USP20: variants seen among roughly 807,000 people sequenced by gnomAD.
The protein encoded by USP20 is ubiquitin specific peptidase 20.
In USP20, 80 loss-of-function variants were observed where a neutral mutation model predicts 124.2. The ratio of observed to expected loss-of-function variants is 0.64; its 90% CI spans 0.54 to 0.78. The LOEUF (loss-of-function observed/expected upper bound fraction) is 0.78, where lower values mean the gene tolerates loss of function less well. USP20 is among the 30% of genes least tolerant of loss of function. The pLI is 0.00. For missense variants in USP20, 1,043 were observed against 1,244.4 expected (o/e 0.84, Z 2.44); for synonymous variants, 481 against 512.3 (o/e 0.94, Z 0.83).
chr9:129,854,175 G>T (rs1478878452), intron 3 of USP20, among the ~76,000 whole-genome samples: 1 of 152,226 alleles, frequency 6.6e-6, no homozygotes, highest in African/African-American at 2.4e-5. Flanking sequence ...GACAGTTATG[G>T]AGAAAATGGG....
chr9:129,876,004 G>A (rs2034387188), intron 21 of USP20, 126 bp from the exon 22 acceptor site: 1 of 848,906 alleles, frequency 1.2e-6, no homozygotes, highest in Non-Finnish European at 1.9e-6. Context: ...ACACAGAGGT[G>A]CATGCAGGCC....
chr9:129,880,437 C>A, intron 25 of USP20, 30 bp from the exon 26 acceptor site: 2 of 957,892 alleles, frequency 2.1e-6, no homozygotes, highest in Non-Finnish European at 3.0e-6. Context: ...CATGGCCCGG[C>A]CCCACTGCTG....
chr9:129,879,695 C>G lies in USP20; in HGVS notation c.2584+51C>G. On this transcript the variant is annotated intron_variant, in intron 24 of 25. Transcript: ENST00000372429. The surrounding 1 kb of genome is among the most constrained non-coding windows in gnomAD (Gnocchi z 4.2). ...GCTCCTCTCTGCCCTTCCTGGCTGC[C>G]AGGCTGCTGCCCAGTCCCGTCCTTC... 1 of 1,601,306 alleles carries G rather than the reference C, an allele frequency of 6.2e-7. No individual in the cohort carries two copies. The highest frequency in any genetic ancestry group is 8.6e-7 in the Non-Finnish European group (1 of 1,168,938).
At chr9:129,875,819 A>G (rs2034369453) in intron 21 of USP20, among the ~76,000 whole-genome samples, 178 bp downstream of exon 21, 1 of 37,322 alleles carries the variant, frequency 2.7e-5, no homozygotes, top group Admixed American at 3.0e-4. Flanking sequence ...CGTTTGTGGG[A>G]ATCCGCTTGG....
chr9:129,847,897 AT>A (rs35466615), intron 1 of USP20, among the ~76,000 whole-genome samples: 25,485 of 133,668 alleles, frequency 0.19, 2,697 homozygotes, highest in African/African-American at 0.37. Context: ...TTTGTATCTG[AT>A]TTTTTTTTTT....
intron 3 of USP20, among the ~76,000 whole-genome samples, chr9:129,854,059 C>T (rs527499397): frequency 7.2e-4 from 109 of 152,242 alleles, no homozygotes; most frequent in Non-Finnish European, 1.2e-3. Context: ...AAGAAACTTT[C>T]TGAAAAAGAT....
At chr9:129,864,757 G>A (rs1315139115) in intron 9 of USP20, among the ~76,000 whole-genome samples, 1 of 123,174 alleles carries the variant, frequency 8.1e-6, no homozygotes, top group Non-Finnish European at 1.6e-5. Context: ...CTGGGAAACA[G>A]AGCAAGACTC....
chr9:129,874,703 A>C lies in USP20; in HGVS notation c.1868A>C (p.Gln623Pro), dbSNP rs1458895898. 6.2e-7 allele frequency: 1 copy of C among 1,613,888 alleles called. No homozygotes were observed. Among genetic ancestry groups the C allele is most frequent in the Non-Finnish European group, 8.5e-7 (1 of 1,179,992 alleles). The change falls in exon 18 of 26, where the codon CAG (glutamine) becomes CCG (proline). Residue 623 changes from glutamine (Q) to proline (P), a missense_variant. Physicochemically the swap from Gln to Pro is moderately conservative, Grantham distance 76. Transcript: ENST00000372429. ...TTCCTTGCCAAGGAGTGCACATCCC[A>C]GATCACCACCTACGACCTCCTCTCG... is the stretch of plus-strand genomic sequence containing the variant. ...RPFLAKECTS[Q>P]ITTYDLLSVI...
chr9:129,879,981 C>T lies in USP20; in HGVS notation c.2585-132C>T, dbSNP rs1320071281. ...CTGGGAAATCCTGATTTCCATCTGA[C>T]AGCTTTGCATAGAAGCCCTGGTTGC... On this transcript the variant is annotated intron_variant, in intron 24 of 25. Transcript: ENST00000372429. The surrounding 1 kb of genome is among the most constrained non-coding windows in gnomAD (Gnocchi z 4.2). 8 of 1,100,598 alleles carry T rather than the reference C, an allele frequency of 7.3e-6. No individual in the cohort carries two copies. The highest frequency in any genetic ancestry group is 1.0e-5 in the Non-Finnish European group (8 of 778,706). 68.2% of individuals were successfully genotyped at this position (1,100,598 alleles called of 1,614,324 possible).
chr9:129,853,797 G>T (rs1173763240), intron 3 of USP20, among the ~76,000 whole-genome samples: 1 of 152,198 alleles, frequency 6.6e-6, no homozygotes, highest in Non-Finnish European at 1.5e-5. Context: ...GGGGGATGAA[G>T]CAGGTGGCAG....
chr9:129,858,703 T>G, intron 6 of USP20, 105 bp downstream of exon 6: 1 of 1,491,950 alleles, frequency 6.7e-7, no homozygotes, highest in Non-Finnish European at 9.0e-7. Context: ...GTCCCAGAGG[T>G]GTCTGTTTCT....
chr9:129,874,544 C>A (rs749687108), intron 17 of USP20, 32 bp from the exon 18 acceptor site: 1 of 1,609,256 alleles, frequency 6.2e-7, no homozygotes, highest in Non-Finnish European at 8.5e-7. Context: ...TCATTTCTTC[C>A]TAGATGACCG....
At chr9:129,858,718 C>T (rs2033354285) in intron 6 of USP20, 120 bp downstream of exon 6, 9 of 1,413,932 alleles carry the variant, frequency 6.4e-6, no homozygotes, top group Non-Finnish European at 7.6e-6. Context: ...GTTTCTGGGT[C>T]AGTATGTTTT....
intron 1 of USP20, among the ~76,000 whole-genome samples, chr9:129,845,777 T>C (rs1055643773): frequency 6.6e-6 from 1 of 152,176 alleles, no homozygotes; most frequent in Non-Finnish European, 1.5e-5. Flanking sequence ...ACAAGTTCAT[T>C]GTAGAAAATG....
rs1256157748 is a variant in USP20 at position 129,842,595 on chromosome 9, GT to G, written c.-129+7113del. Among the ~76,000 whole-genome samples, 792 of 139,296 alleles carry G rather than the reference GT, an allele frequency of 5.7e-3. 2 individuals carry two copies. The highest frequency in any genetic ancestry group is 0.012 in the African/African-American group (465 of 38,142). The allele number at this position is 139,296 out of a possible 152,430, so 91.4% of individuals were successfully genotyped here. ...GATATTTTAGGTCCTGTGTGTGGAAGTTTTTTTTTTTTTTTTTAGACGGAGT... is the reference window on the plus strand; with the variant it reads ...GATATTTTAGGTCCTGTGTGTGGAAGTTTTTTTTTTTTTTTTAGACGGAGT... On this transcript the variant is annotated intron_variant, in intron 1 of 25. Transcript: ENST00000372429.
At chr9:129,852,133 C>A (rs2032955135) in intron 2 of USP20, among the ~76,000 whole-genome samples, 2 of 152,222 alleles carry the variant, frequency 1.3e-5, no homozygotes, top group Admixed American at 1.3e-4. Context: ...CCTTCTCTGC[C>A]TGTATCCTTG....
chr9:129,869,827 T>C lies in USP20; in HGVS notation c.1548T>C (p.Ile516=). ...CCGCCCAGGGCTGGCTGGCCTTCAT[T>C]GTGGAGTACATCCGACGGTGCGCCC... ...SYAAQGWLAF[I]VEYIRRFVVS... The change falls in exon 14 of 26, where the codon ATT becomes ATC. Residue 516 remains isoleucine (I), a synonymous_variant. Coordinates refer to ENST00000372429, the MANE Select transcript of USP20 (RefSeq NM_001110303.4). 6.2e-7 allele frequency: 1 copy of C among 1,613,822 alleles called. No individual in the cohort carries two copies. Among genetic ancestry groups the C allele is most frequent in the Non-Finnish European group, 8.5e-7 (1 of 1,179,966 alleles).
At chr9:129,868,718 G>A (rs367876453) in intron 11 of USP20, 144 bp from the exon 12 acceptor site, 25 of 1,397,628 alleles carry the variant, frequency 1.8e-5, no homozygotes, top group East Asian at 1.7e-4. Context: ...CTGTGTGCTG[G>A]GGCCAGGAGT....
At chr9:129,850,188 C>T (rs769578993) in intron 2 of USP20, among the ~76,000 whole-genome samples, 2 of 152,034 alleles carry the variant, frequency 1.3e-5, no homozygotes, top group East Asian at 1.9e-4. Context: ...CATGGAAGTG[C>T]GTTATATAGT....
Sources: gnomAD v4.1 joint callset for allele counts (sites outside exome capture counted in the v4.1 genomes callset) on GRCh38, gnomAD v4.1.1 for gene constraint, Gnocchi (gnomAD v3.1) non-coding constraint, MANE v1.5 for transcripts, NCBI Gene and HGNC (gene_info 2026-07-23, HGNC 2026-07-21) for gene names.